Variants in SPTB observed in about 807,000 individuals in gnomAD.
SPTB encodes the protein spectrin beta, erythrocytic, also known as spectrin beta chain, erythrocytic.
A neutral mutation model predicts 256.2 loss-of-function variants in SPTB; 45 were observed. The ratio of observed to expected loss-of-function variants is 0.18; its 90% confidence interval spans 0.14 to 0.23. The LOEUF is 0.23. SPTB is among the 10% of genes least tolerant of loss of function. The pLI, the probability that SPTB is intolerant of heterozygous loss-of-function variation, is 1.00. For missense variants in SPTB, 2,715 were observed against 3,040.4 expected (o/e 0.89, Z 2.52); for synonymous variants, 1,231 against 1,243.1 (o/e 0.99, Z 0.21).
Position 64,795,474 on chromosome 14 carries a change from T to C in SPTB, c.1507A>G (p.Lys503Glu), listed in dbSNP as rs754641316. The change falls in exon 12 of 36, where the codon AAG (lysine) becomes GAG (glutamate). Residue 503 changes from lysine to glutamate, a missense_variant. Physicochemically the swap from Lys to Glu is moderately conservative, Grantham distance 56. This residue lies in a region of SPTB where 2,239 missense variants were observed against 2,384.4 expected (regional missense o/e 0.94). Coordinates refer to ENST00000644917, the MANE Select transcript of SPTB (RefSeq NM_001355436.2). The surrounding 1 kb of genome is among the most constrained non-coding windows in gnomAD (Gnocchi z 6.5). ...CTCCATAGGCGCAGTATATTGTCCTTGCGGGCCGTGATGCGCTTCTGGTCA... is the reference window on the plus strand; with the variant it reads ...CTCCATAGGCGCAGTATATTGTCCTCGCGGGCCGTGATGCGCTTCTGGTCA... Reference protein sequence around the residue: ...YHDQKRITARKDNILRLWSYL... With the variant: ...YHDQKRITAREDNILRLWSYL... The C allele has an allele frequency of 2.9e-5, 46 of 1,614,024 alleles. No homozygotes were observed. The South Asian group carries it at 4.6e-4, about 16-fold the overall frequency.
At chr14:64,803,558 G>A (rs1054218637) in intron 4 of SPTB, 49 bp downstream of exon 4, 1 of 1,609,566 alleles carries the variant, frequency 6.2e-7, no homozygotes, top group Non-Finnish European at 8.5e-7. Context: ...CTAAGGCCCT[G>A]GGCAGCCTTG....
In SPTB at chr14:64,786,304, G is replaced by A. The variant is rs1349631873; in HGVS notation, c.3561+100C>T. 6.8e-7 allele frequency: 1 copy of A among 1,467,138 alleles called. No homozygotes were observed. Among genetic ancestry groups the A allele is most frequent in the South Asian group, 1.1e-5 (1 of 87,606 alleles). The allele number at this position is 1,467,138 out of a possible 1,614,324, so 90.9% of individuals were successfully genotyped here. A position where few individuals can be genotyped will look rare whatever the true frequency, so the allele number is the denominator to read the frequency against. On this transcript the variant is annotated intron_variant, in intron 16 of 35. Transcript: ENST00000644917. This position sits in a 1 kb window ranked among gnomAD's most constrained non-coding sequence, Gnocchi z 5.6. The stretch of plus-strand genomic sequence containing the variant: ...TGAGTGAATACAGAGTACAAGACAA[G>A]AGTAATGTGGTCCCTGAGTCTTACA...
chr14:64,851,747 G>A (rs1010571323), intron 1 of SPTB, among the ~76,000 whole-genome samples: 1 of 151,964 alleles, frequency 6.6e-6, no homozygotes, highest in Non-Finnish European at 1.5e-5. Flanking sequence ...ACTATCCTCA[G>A]CAAACTAACG....
intron 1 of SPTB, among the ~76,000 whole-genome samples, chr14:64,833,287 A>G (rs2083475744): frequency 6.6e-6 from 1 of 152,150 alleles, no homozygotes; most frequent in African/African-American, 2.4e-5. Flanking sequence ...GCGGTGGCTC[A>G]CGCCCATAAT....
intron 27 of SPTB, among the ~76,000 whole-genome samples, chr14:64,770,217 A>G (rs1488645630): frequency 1.3e-5 from 2 of 152,172 alleles, no homozygotes; most frequent in Non-Finnish European, 2.9e-5. Context: ...AGTGATGAAA[A>G]TCTTCTAACC....
At chr14:64,769,219 C>A (rs540590485) in intron 28 of SPTB, 101 bp from the exon 29 acceptor site, 6 of 1,181,268 alleles carry the variant, frequency 5.1e-6, no homozygotes, top group Non-Finnish European at 7.5e-6. Context: ...TTTGGTCCTA[C>A]AGCCCTGGCT....
intron 2 of SPTB, among the ~76,000 whole-genome samples, chr14:64,819,485 G>A (rs1317618760): frequency 6.6e-6 from 1 of 152,200 alleles, no homozygotes; most frequent in Non-Finnish European, 1.5e-5. Flanking sequence ...GGCCTCCCAT[G>A]TCACCCAGCC....
chr14:64,774,754 T>C (rs569946401), intron 23 of SPTB, among the ~76,000 whole-genome samples: 44 of 152,282 alleles, frequency 2.9e-4, no homozygotes, highest in Non-Finnish European at 5.4e-4. Flanking sequence ...ACATATACCC[T>C]TCCTTTTGTG....
chr14:64,857,554 G>A (rs1449092387), intron 1 of SPTB, among the ~76,000 whole-genome samples: 1 of 130,892 alleles, frequency 7.6e-6, no homozygotes, highest in Non-Finnish European at 1.6e-5. Context: ...CTCCAGCCTG[G>A]GCGACAGAGC....
intron 1 of SPTB, among the ~76,000 whole-genome samples, chr14:64,871,492 C>T (rs542502622): frequency 6.6e-4 from 101 of 152,270 alleles, no homozygotes; most frequent in South Asian, 1.4e-3. Flanking sequence ...ATGATGAACA[C>T]AGTGGTTCAG....
At chr14:64,765,017 A>AGTGTGTGTGTGT (rs749379191) in intron 32 of SPTB, among the ~76,000 whole-genome samples, 26 of 108,852 alleles carry the variant, frequency 2.4e-4, no homozygotes, top group African/African-American at 7.3e-4. Flanking sequence ...GCCACAGAGG[A>AGTGTGTGTGTGT]GTGTGTGCGT....
Position 64,785,403 on chromosome 14 carries a change from ACCCAGAGGT to A in SPTB, c.3855+125_3855+133del. 1.3e-6 allele frequency: 1 copy of A among 782,366 alleles called. No individual in the cohort carries two copies. The highest frequency in any genetic ancestry group is 2.2e-6 in the Non-Finnish European group (1 of 461,796). 48.5% of individuals were successfully genotyped at this position (782,366 alleles called of 1,614,324 possible). A position where few individuals can be genotyped will look rare whatever the true frequency, so the allele number is the denominator to read the frequency against. ...ATTCCAGAGAATGACCCAATTAAGTACCCAGAGGTCCCCGCTCATGGAATCCCACAGCTC... is the reference window on the plus strand; with the variant it reads ...ATTCCAGAGAATGACCCAATTAAGTACCCCGCTCATGGAATCCCACAGCTC... On this transcript the variant is annotated intron_variant, in intron 18 of 35. Transcript: ENST00000644917. This position sits in a 1 kb window ranked among gnomAD's most constrained non-coding sequence, Gnocchi z 4.4.
intron 31 of SPTB, 30 bp downstream of exon 31, chr14:64,767,273 C>T (rs752861013): frequency 6.2e-7 from 1 of 1,613,566 alleles, no homozygotes; most frequent in East Asian, 2.2e-5. Flanking sequence ...GCAGAGCATT[C>T]AGCTCCCTGG....
chr14:64,770,966 A>G lies in SPTB; in HGVS notation c.5717T>C (p.Phe1906Ser). Residue 1906 changes from phenylalanine (F) to serine (S), a missense_variant, in exon 27 of 36, where the codon TTC becomes TCC. This residue lies in a region of SPTB where 2,239 missense variants were observed against 2,384.4 expected (regional missense o/e 0.94). Transcript: ENST00000644917. The part of the protein sequence containing the change: ...RTQLVDTADK[F>S]RFFSMARDLL... ...GTCACGGGCCATGCTGAAGAAGCGG[A>G]ATTTATCCGCCGTGTCCACTAGCTG... 6.2e-7 allele frequency: 1 copy of G among 1,614,094 alleles called. No individual in the cohort carries two copies. Among genetic ancestry groups the G allele is most frequent in the Non-Finnish European group, 8.5e-7 (1 of 1,180,026 alleles).
chr14:64,750,033 T>C lies in SPTB; in HGVS notation c.6724A>G (p.Ile2242Val). Residue 2242 changes from isoleucine to valine, a missense_variant, in exon 34 of 36, where the codon ATC (isoleucine) becomes GTC (valine). By Grantham distance (29) the Ile-to-Val change is conservative (BLOSUM62 3). Transcript: ENST00000644917. The part of the protein sequence containing the change: ...GEEPLALRHA[I>V]CEIAANYKKK... ...TTGTAGTTGGCAGCAATCTCACAGA[T>C]GGCATGTCTCAGGGCCAGGGGTTCC... 1 of 1,614,200 alleles carries C rather than the reference T, an allele frequency of 6.2e-7. No homozygotes were observed. The highest frequency in any genetic ancestry group is 8.5e-7 in the Non-Finnish European group (1 of 1,180,030).
intron 9 of SPTB, among the ~76,000 whole-genome samples, chr14:64,798,521 C>G (rs893990376): frequency 6.6e-6 from 1 of 152,176 alleles, no homozygotes; most frequent in Admixed American, 6.5e-5. Context: ...AGTGTCCACC[C>G]ATTTCTGCAT....
In SPTB at chr14:64,775,044, A is replaced by G; in HGVS notation, c.4842+81T>C. The G allele has an allele frequency of 6.3e-7, 1 of 1,599,516 alleles. No homozygotes were observed. Among genetic ancestry groups the G allele is most frequent in the Non-Finnish European group, 8.6e-7 (1 of 1,169,478 alleles). On this transcript the variant is annotated intron_variant, in intron 23 of 35. Coordinates refer to ENST00000644917, the MANE Select transcript of SPTB (RefSeq NM_001355436.2). The surrounding 1 kb of genome is among the most constrained non-coding windows in gnomAD (Gnocchi z 5.0). Reference sequence around the variant, plus strand: ...CCTCACTCCTCACACAGTTGGACTCACAAGGCTCCCTACCGACAGCCAACC... The same window carrying G: ...CCTCACTCCTCACACAGTTGGACTCGCAAGGCTCCCTACCGACAGCCAACC...
intron 10 of SPTB, among the ~76,000 whole-genome samples, chr14:64,797,467 C>CAAAAAAAAAAAA (rs57385615): frequency 1.3e-4 from 4 of 31,010 alleles, no homozygotes; most frequent in African/African-American, 3.6e-4. Flanking sequence ...ACCCTGTCTC[C>CAAAAAAAAAAAA]AAAAAAAAAA....
chr14:64,775,139 C>T lies in SPTB; in HGVS notation c.4828G>A (p.Asp1610Asn), dbSNP rs1427595749. The change falls in exon 23 of 36, where the codon GAT (aspartate) becomes AAT (asparagine). Residue 1610 changes from aspartate (D) to asparagine (N), a missense_variant. Physicochemically the swap from Asp to Asn is conservative, Grantham distance 23. Transcript: ENST00000644917. The surrounding 1 kb of genome is among the most constrained non-coding windows in gnomAD (Gnocchi z 5.0). ...IGEQELYVIS[D>N]EIPKDEEGAI... Reference sequence around the variant, plus strand: ...CCCGAACAGACCTTGGGGATCTCATCGGAGATGACGTAGAGCTCCTGCTCG... The same window carrying T: ...CCCGAACAGACCTTGGGGATCTCATTGGAGATGACGTAGAGCTCCTGCTCG... 1.4e-5 allele frequency: 23 copies of T among 1,613,840 alleles called. No homozygotes were observed. Among genetic ancestry groups the T allele is most frequent in the Middle Eastern group, 1.6e-4 (1 of 6,084 alleles).
Sources: gnomAD v4.1 joint callset for allele counts (sites outside exome capture counted in the v4.1 genomes callset) on GRCh38, gnomAD v4.1.1 for gene constraint, gnomAD v4.1.1 regional missense constraint, Gnocchi (gnomAD v3.1) non-coding constraint, MANE v1.5 for transcripts, NCBI Gene and HGNC (gene_info 2026-07-23, HGNC 2026-07-21) for gene names.